The following IQSEC3 variants were observed in gnomAD, a reference collection of about 807,000 sequenced individuals.
The protein encoded by IQSEC3 is IQ motif and SEC7 domain-containing protein 3.
IQSEC3 carries 50 observed loss-of-function variants against 105.4 expected under a neutral mutation model. The observed-to-expected ratio is 0.47, with a 90% CI of 0.38 to 0.60. The LOEUF is 0.60. Among genes scored for constraint, IQSEC3 ranks in the 20% least tolerant of loss-of-function variants. The pLI is 0.00. For synonymous variants in IQSEC3, 708 were observed against 746.0 expected (o/e 0.95, Z 0.83); for missense variants, 1,415 against 1,630.0 (o/e 0.87, Z 2.27).
intron 2 of IQSEC3, among the ~76,000 whole-genome samples, chr12:107,679 G>C (rs1158613444): frequency 1.3e-5 from 2 of 152,006 alleles, no homozygotes; most frequent in Non-Finnish European, 2.9e-5. Flanking sequence ...CAAAGTGCTG[G>C]GATTACAGGC....
intron 3 of IQSEC3, among the ~76,000 whole-genome samples, chr12:129,232 G>C (rs1243937472): frequency 6.6e-6 from 1 of 152,220 alleles, no homozygotes; most frequent in African/African-American, 2.4e-5. Context: ...CACCTCCAGG[G>C]TGCTGCATAG....
intron 2 of IQSEC3, among the ~76,000 whole-genome samples, chr12:113,056 A>G (rs781939812): frequency 1.3e-5 from 2 of 152,064 alleles, no homozygotes; most frequent in African/African-American, 4.8e-5. Context: ...CGGCCTGGAC[A>G]CTGGGAAGTG....
intron 5 of IQSEC3, among the ~76,000 whole-genome samples, chr12:156,603 G>T (rs1866695914): frequency 6.6e-6 from 1 of 152,204 alleles, no homozygotes; most frequent in Non-Finnish European, 1.5e-5. Context: ...GCCCCCTCAA[G>T]ACCTAAATGA....
At chr12:165,925 G>T (rs782277756) in intron 11 of IQSEC3, 35 bp downstream of exon 11, 11 of 1,603,652 alleles carry the variant, frequency 6.9e-6, no homozygotes, top group African/African-American at 2.7e-5. Context: ...GCTGGTGGGG[G>T]TTCCCATTCA....
At chr12:91,352 CTG>C (rs1864078608) in intron 1 of IQSEC3, among the ~76,000 whole-genome samples, 1 of 152,196 alleles carries the variant, frequency 6.6e-6, no homozygotes, top group Non-Finnish European at 1.5e-5. Flanking sequence ...TCCTGTAATC[CTG>C]TGAGCCTGGC....
At chr12:82,883 G>A (rs1863791545) in intron 1 of IQSEC3, among the ~76,000 whole-genome samples, 1 of 152,184 alleles carries the variant, frequency 6.6e-6, no homozygotes, top group Non-Finnish European at 1.5e-5. Context: ...TCCAGGAGAA[G>A]TTTTTTCCAA....
At chr12:105,021 C>G (rs1275090235) in intron 2 of IQSEC3, among the ~76,000 whole-genome samples, 6 of 152,240 alleles carry the variant, frequency 3.9e-5, no homozygotes, top group Non-Finnish European at 7.3e-5. Flanking sequence ...GCACTGGTGG[C>G]TTAGGGCGGC....
chr12:80,947 G>A (rs1863724978), intron 1 of IQSEC3, among the ~76,000 whole-genome samples: 1 of 152,200 alleles, frequency 6.6e-6, no homozygotes, highest in Non-Finnish European at 1.5e-5. Flanking sequence ...GTAAGACAAG[G>A]GCCGAGAGCA....
At chr12:68,691 G>C (rs1356442067) in intron 1 of IQSEC3, among the ~76,000 whole-genome samples, 1 of 152,272 alleles carries the variant, frequency 6.6e-6, no homozygotes, top group Non-Finnish European at 1.5e-5. Flanking sequence ...GTAGAGCTGA[G>C]AATCTCATCT....
chr12:72,294 C>T (rs114276185), intron 1 of IQSEC3, among the ~76,000 whole-genome samples: 9 of 150,584 alleles, frequency 6.0e-5, no homozygotes, highest in South Asian at 2.1e-4. Context: ...CAGCTGGGGT[C>T]GGGGCTGGGT....
At chr12:156,364 A>G (rs4082096) in intron 5 of IQSEC3, among the ~76,000 whole-genome samples, 44,357 of 151,846 alleles carry the variant, frequency 0.29, 6,856 homozygotes, top group Non-Finnish European at 0.34. Context: ...CCAGAATCTG[A>G]CCCTGCGTGT....
chr12:138,392 G>T lies in IQSEC3; in HGVS notation c.1029G>T (p.Leu343=). 6.2e-7 allele frequency: 1 copy of T among 1,610,814 alleles called. No homozygotes were observed. The highest frequency in any genetic ancestry group is 8.5e-7 in the Non-Finnish European group (1 of 1,179,836). ...TCGAGAAAATCCGCAACTCGCTTCT[G>T]GAGAGCCGCCTGCCACGGCGGATCT... ...KNFEKIRNSL[L]ESRLPRRISL... The change falls in exon 4 of 14, where the codon CTG becomes CTT. Residue 343 remains leucine (L), a synonymous_variant. Transcript: ENST00000538872. The surrounding 1 kb of genome is among the most constrained non-coding windows in gnomAD (Gnocchi z 7.1).
At chr12:160,388 G>A (rs1866846129) in intron 7 of IQSEC3, among the ~76,000 whole-genome samples, 1 of 152,042 alleles carries the variant, frequency 6.6e-6, no homozygotes, top group Admixed American at 6.6e-5. Context: ...TGCAGTATCT[G>A]GAGATATTTT....
intron 1 of IQSEC3, among the ~76,000 whole-genome samples, chr12:72,732 T>G (rs1347357786): frequency 2.0e-5 from 2 of 98,010 alleles, no homozygotes; most frequent in Non-Finnish European, 4.7e-5. Flanking sequence ...TTTCAGTCAA[T>G]GAGGGCATTA....
intron 2 of IQSEC3, 49 bp from the exon 3 acceptor site, chr12:125,584 A>T (rs781944129): frequency 6.9e-7 from 1 of 1,447,032 alleles, no homozygotes; most frequent in African/African-American, 1.5e-5. Context: ...ATCCACACGC[A>T]CCCTGTCGCC....
At chr12:78,072 G>A (rs1303929999) in intron 1 of IQSEC3, among the ~76,000 whole-genome samples, 3 of 151,374 alleles carry the variant, frequency 2.0e-5, no homozygotes, top group Non-Finnish European at 4.4e-5. Flanking sequence ...GCTGAGGAAG[G>A]CGGCTGCTGA....
intron 13 of IQSEC3, among the ~76,000 whole-genome samples, chr12:173,670 T>G (rs1193214574): frequency 6.6e-6 from 1 of 151,936 alleles, no homozygotes; most frequent in African/African-American, 2.4e-5. Context: ...GACCCAGGGG[T>G]TTGGAGGGGG....
intron 13 of IQSEC3, among the ~76,000 whole-genome samples, chr12:172,970 C>T (rs1359787313): frequency 1.3e-5 from 2 of 152,168 alleles, no homozygotes; most frequent in African/African-American, 4.8e-5. Flanking sequence ...CTCAGTGGGT[C>T]TGGACTGGGA....
intron 2 of IQSEC3, among the ~76,000 whole-genome samples, chr12:107,361 A>G (rs1864689055): frequency 6.7e-6 from 1 of 150,152 alleles, no homozygotes; most frequent in Non-Finnish European, 1.5e-5. Context: ...ATGCTTTGAA[A>G]TGGCCTTAAC....
Sources: allele counts gnomAD v4.1 joint callset (sites outside exome capture counted in the v4.1 genomes callset), GRCh38; gene constraint gnomAD v4.1.1; non-coding constraint Gnocchi (gnomAD v3.1); transcripts MANE v1.5; gene names NCBI Gene and HGNC (gene_info 2026-07-23, HGNC 2026-07-21).